ANKRD44: variants seen among roughly 807,000 people sequenced by gnomAD.
The protein encoded by ANKRD44 is ankyrin repeat domain 44.
A neutral mutation model predicts 116.0 loss-of-function variants in ANKRD44; 35 were observed. The observed-to-expected ratio is 0.30, with a 90% CI of 0.23 to 0.40. The LOEUF (loss-of-function observed/expected upper bound fraction) is 0.40. ANKRD44 is among the 10% of genes least tolerant of loss of function. The pLI is 1.00. For missense variants in ANKRD44, 1,014 were observed against 1,242.6 expected, an observed-to-expected ratio of 0.82 and a Z score of 2.77; for synonymous variants, 435 against 461.8, an observed-to-expected ratio of 0.94 and a Z score of 0.74.
chr2:197,184,385 T>C (rs1036138868), intron 2 of ANKRD44, among the ~76,000 whole-genome samples: 9 of 152,150 alleles, frequency 5.9e-5, no homozygotes, highest in African/African-American at 1.9e-4. Context: ...CTCACGCCTG[T>C]AATCTCAGCA....
intron 16 of ANKRD44, among the ~76,000 whole-genome samples, chr2:197,056,052 A>G (rs1319451760): frequency 1.3e-5 from 2 of 152,056 alleles, no homozygotes; most frequent in African/African-American, 4.8e-5. Flanking sequence ...ATGCCTGGCT[A>G]ATTTTAAATT....
At position 196,988,883 on chromosome 2, in the gene ANKRD44, G is replaced by A. The variant is rs528744141; in HGVS notation, c.*708C>T. The A allele has an allele frequency of 1.1e-5, 11 of 985,392 alleles. No individual in the cohort carries two copies. The South Asian group carries it at 4.7e-4, about 42-fold the overall frequency. The allele number at this position is 985,392 out of a possible 1,614,324, so 61.0% of individuals were successfully genotyped here. ...TTCAGTGTACTTAGGGTAATTTCTA[G>A]ATATTTCTTTGTGCTGCCTTTGTGT... On this transcript the variant is annotated 3_prime_UTR_variant, in exon 28 of 28. Coordinates refer to ENST00000282272, the MANE Select transcript of ANKRD44 (RefSeq NM_001195144.2).
At chr2:197,270,719 C>G (rs1007963472) in intron 1 of ANKRD44, among the ~76,000 whole-genome samples, 1 of 152,206 alleles carries the variant, frequency 6.6e-6, no homozygotes. Context: ...GACGAGGAAG[C>G]TGTAGCACTG....
chr2:197,121,069 C>T (rs1345638402), intron 8 of ANKRD44, among the ~76,000 whole-genome samples: 4 of 151,878 alleles, frequency 2.6e-5, no homozygotes, highest in African/African-American at 7.3e-5. Context: ...GCTGAGATTG[C>T]AGGCACCCGC....
Position 197,125,963 on chromosome 2 carries a change from A to G in ANKRD44, c.336T>C (p.His112=), listed in dbSNP as rs140446201. 2.5e-5 allele frequency: 41 copies of G among 1,614,238 alleles called. No homozygotes were observed. The African/African-American group carries it at 2.9e-4, about 12-fold the overall frequency. Residue 112 remains histidine (H), a synonymous_variant, in exon 5 of 28, where the codon CAT becomes CAC. Transcript: ENST00000282272. ...TGACAGCCTTGTTGGCTGCTGCCAC[A>G]TGAAGAGGGGTCTGCCAGTTCTTGT... ...ARDKNWQTPL[H]VAAANKAVKC... is the part of the protein sequence containing the mutation.
chr2:197,121,833 GCT>G (rs753537724), intron 7 of ANKRD44, among the ~76,000 whole-genome samples: 6 of 152,166 alleles, frequency 3.9e-5, no homozygotes, highest in Non-Finnish European at 8.8e-5. Context: ...GGGCAAAGCT[GCT>G]TTCAAAACAC....
In ANKRD44 at chr2:197,122,885, G is replaced by A. The variant is rs73988100; in HGVS notation, c.551-93C>T. Reference sequence around the variant, plus strand: ...AAATTATCAACTATTAGCTTTCATCGCCACCAGTATTTTGCTGAGTTATTT... The same window carrying A: ...AAATTATCAACTATTAGCTTTCATCACCACCAGTATTTTGCTGAGTTATTT... On this transcript the variant is annotated intron_variant, in intron 6 of 27. Coordinates refer to ENST00000282272, the MANE Select transcript of ANKRD44 (RefSeq NM_001195144.2). The A allele has an allele frequency of 2.3e-3, 3,346 of 1,440,054 alleles. 54 individuals are homozygous for A. In the African/African-American group the frequency reaches 0.035, roughly 15 times the overall value. 89.2% of individuals were successfully genotyped at this position (1,440,054 alleles called of 1,614,324 possible). A position where few individuals can be genotyped will look rare whatever the true frequency, so the allele number is the denominator to read the frequency against.
intron 1 of ANKRD44, among the ~76,000 whole-genome samples, chr2:197,226,381 C>T (rs2081713805): frequency 6.6e-6 from 1 of 151,976 alleles, no homozygotes; most frequent in Non-Finnish European, 1.5e-5. Context: ...TTAAGAGTTT[C>T]CCGACCAGGC....
At chr2:197,284,747 G>T (rs186949727) in intron 1 of ANKRD44, among the ~76,000 whole-genome samples, 3 of 151,928 alleles carry the variant, frequency 2.0e-5, no homozygotes, top group Admixed American at 6.6e-5. Context: ...TTAGCCAGGT[G>T]TGGTGGTGTG....
At chr2:197,004,478 G>C (rs974649475) in intron 21 of ANKRD44, among the ~76,000 whole-genome samples, 3 of 152,022 alleles carry the variant, frequency 2.0e-5, no homozygotes, top group South Asian at 4.2e-4. Context: ...GGAAAAAAGT[G>C]AACAGTGGAT....
intron 1 of ANKRD44, among the ~76,000 whole-genome samples, chr2:197,235,915 G>A (rs1306404964): frequency 2.0e-5 from 3 of 152,072 alleles, no homozygotes; most frequent in East Asian, 1.9e-4. Flanking sequence ...TCAGCATTGC[G>A]GTGAGGGCTT....
At chr2:197,161,539 A>G (rs2079965333) in intron 2 of ANKRD44, among the ~76,000 whole-genome samples, 1 of 152,178 alleles carries the variant, frequency 6.6e-6, no homozygotes. Context: ...TCCTACAAAA[A>G]TCTCAAATAC....
At position 197,203,920 on chromosome 2, in the gene ANKRD44, C is replaced by T. The variant is rs1436499782; in HGVS notation, c.28-16814G>A. On this transcript the variant is annotated intron_variant, in intron 1 of 27. Transcript: ENST00000282272. The surrounding 1 kb of genome is among the most constrained non-coding windows in gnomAD (Gnocchi z 4.1). ...TATATGAAATAGCCACACATAGAAA[C>T]AGAAAGCTGATTAGCAGTTACCAGG... Among the ~76,000 whole-genome samples, 1 of 152,140 alleles carries T rather than the reference C, an allele frequency of 6.6e-6. No homozygotes were observed. The highest frequency in any genetic ancestry group is 2.4e-5 in the African/African-American group (1 of 41,422).
intron 1 of ANKRD44, among the ~76,000 whole-genome samples, chr2:197,238,420 A>G (rs1379552079): frequency 1.3e-5 from 2 of 152,222 alleles, no homozygotes; most frequent in African/African-American, 2.4e-5. Context: ...CTGGCTCTAC[A>G]TACTATCAGC....
chr2:196,990,362 C>T (rs1056603001), intron 27 of ANKRD44: 7 of 1,022,386 alleles, frequency 6.8e-6, no homozygotes, highest in Non-Finnish European at 8.2e-6. Context: ...TTATTCATAG[C>T]GAACAGCTGC....
At chr2:197,101,619 G>C (rs1037877590) in intron 9 of ANKRD44, among the ~76,000 whole-genome samples, 1 of 152,078 alleles carries the variant, frequency 6.6e-6, no homozygotes. Flanking sequence ...AAAAAAAAAG[G>C]CTTGATTATG....
chr2:197,150,297 C>T (rs979951391), intron 2 of ANKRD44, among the ~76,000 whole-genome samples: 1 of 152,008 alleles, frequency 6.6e-6, no homozygotes, highest in Non-Finnish European at 1.5e-5. Flanking sequence ...ACCTGTAATC[C>T]CAGCACTTTG....
intron 1 of ANKRD44, among the ~76,000 whole-genome samples, chr2:197,275,457 A>G (rs1424065304): frequency 6.7e-6 from 1 of 149,918 alleles, no homozygotes; most frequent in East Asian, 2.0e-4. Flanking sequence ...AAAATACAAC[A>G]CGCACTCATA....
At position 197,284,531 on chromosome 2, in the gene ANKRD44, CACACACACACAT is replaced by C. The variant is rs1227087233; in HGVS notation, c.27+26035_27+26046del. 7.4e-5 allele frequency among the ~76,000 whole-genome samples: 9 copies of C among 121,666 alleles called. No homozygotes were observed. In the East Asian group the frequency reaches 8.4e-4, roughly 11 times the overall value. The allele number at this position is 121,666 out of a possible 152,430, so 79.8% of individuals were successfully genotyped here. A position where few individuals can be genotyped will look rare whatever the true frequency, so the allele number is the denominator to read the frequency against. Reference sequence around the variant, plus strand: ...ACACACACACACACACACACACACACACACACACACATAATTTGTGTGTTTAAACAAAATTCT... The same window carrying C: ...ACACACACACACACACACACACACACAATTTGTGTGTTTAAACAAAATTCT... On this transcript the variant is annotated intron_variant, in intron 1 of 27. Transcript: ENST00000282272.
Sources: allele counts gnomAD v4.1 joint callset (sites outside exome capture counted in the v4.1 genomes callset), GRCh38; gene constraint gnomAD v4.1.1; non-coding constraint Gnocchi (gnomAD v3.1); transcripts MANE v1.5; gene names NCBI Gene and HGNC (gene_info 2026-07-23, HGNC 2026-07-21).